Variants in PHLDB2 observed in about 807,000 individuals in gnomAD.
PHLDB2 encodes pleckstrin homology like domain family B member 2, also known as pleckstrin homology-like domain family B member 2.
Under a neutral mutation model 123.6 loss-of-function variants are expected in PHLDB2, and 71 were observed. That is an observed-to-expected ratio of 0.57 (90% CI 0.47 to 0.70). The LOEUF (loss-of-function observed/expected upper bound fraction) is 0.70, where lower values mean the gene tolerates loss of function less well. PHLDB2 is among the 30% of genes least tolerant of loss of function. The pLI is 0.00. For synonymous variants in PHLDB2, 547 were observed against 541.6 expected (o/e 1.01, Z -0.14); for missense variants, 1,446 against 1,519.5 (o/e 0.95, Z 0.80).
At chr3:111,946,029 T>TTATA (rs1188945476) in intron 9 of PHLDB2, among the ~76,000 whole-genome samples, 4 of 150,560 alleles carry the variant, frequency 2.7e-5, no homozygotes, top group African/African-American at 7.3e-5. Context: ...AAAAAATAGT[T>TTATA]TATATATATA....
In PHLDB2 at chr3:111,969,925, A is replaced by C. The variant is rs2107688185; in HGVS notation, c.3535+16A>C. 6.2e-7 allele frequency: 1 copy of C among 1,609,706 alleles called. No individual in the cohort carries two copies. The highest frequency in any genetic ancestry group is 1.1e-5 in the South Asian group (1 of 90,980). On this transcript the variant is annotated intron_variant, in intron 16 of 17. Coordinates refer to ENST00000431670, the MANE Select transcript of PHLDB2 (RefSeq NM_001134438.2). The stretch of plus-strand genomic sequence containing the variant: ...TATTATGCAGGTGGGTGATAAAAAC[A>C]ATTTAAGCCATATACTCAAATCAAG...
At chr3:111,757,276 T>C (rs2059909516) in intron 1 of PHLDB2, among the ~76,000 whole-genome samples, 1 of 152,212 alleles carries the variant, frequency 6.6e-6, no homozygotes, top group African/African-American at 2.4e-5. Flanking sequence ...CCTGTCACTT[T>C]CAGGTACACC....
chr3:111,888,463 T>C (rs937375590), intron 2 of PHLDB2, among the ~76,000 whole-genome samples: 1 of 152,162 alleles, frequency 6.6e-6, no homozygotes, highest in Admixed American at 6.5e-5. Context: ...GAGTAGTGAA[T>C]GTTTGTGGTT....
At chr3:111,901,801 C>G (rs1331005260) in intron 2 of PHLDB2, among the ~76,000 whole-genome samples, 6 of 152,140 alleles carry the variant, frequency 3.9e-5, no homozygotes, top group Admixed American at 3.9e-4. Flanking sequence ...ACTGTGCAGA[C>G]TTCCTTCTGG....
chr3:111,904,277 CAA>C (rs3082325), intron 2 of PHLDB2, among the ~76,000 whole-genome samples: 2 of 86,706 alleles, frequency 2.3e-5, no homozygotes, highest in Non-Finnish European at 4.4e-5. Flanking sequence ...GACCCTGTCT[CAA>C]AAAAAAAAAA....
intron 1 of PHLDB2, among the ~76,000 whole-genome samples, chr3:111,764,919 A>G (rs1171500891): frequency 6.6e-6 from 1 of 152,210 alleles, no homozygotes; most frequent in Non-Finnish European, 1.5e-5. Flanking sequence ...TTGCTGAGTG[A>G]GAACTTGCTA....
Position 111,750,901 on chromosome 3 carries a change from G to A in PHLDB2, c.-49+18198G>A, listed in dbSNP as rs188245301. Among the ~76,000 whole-genome samples the A allele has an allele frequency of 4.2e-4, 62 of 147,824 alleles. 1 individual carries two copies. The East Asian group carries it at 8.4e-3, about 20-fold the overall frequency. ...GTGTAGGTTGCAGTGAGCCAATATCGCACCACTGCACTCCAGCCTGGGCGA... is the reference window on the plus strand; with the variant it reads ...GTGTAGGTTGCAGTGAGCCAATATCACACCACTGCACTCCAGCCTGGGCGA... On this transcript the variant is annotated intron_variant, in intron 1 of 17. Coordinates refer to the PHLDB2 transcript ENST00000393923.
At chr3:111,795,604 T>C (rs1386128770) in intron 1 of PHLDB2, among the ~76,000 whole-genome samples, 1 of 152,188 alleles carries the variant, frequency 6.6e-6, no homozygotes, top group East Asian at 1.9e-4. Flanking sequence ...TCTTGGGAAA[T>C]CCCACTCTCT....
chr3:111,959,530 G>A (rs908934571), intron 12 of PHLDB2, among the ~76,000 whole-genome samples: 5 of 152,188 alleles, frequency 3.3e-5, no homozygotes, highest in African/African-American at 4.8e-5. Context: ...AGAATGACTG[G>A]GAGATTCAGT....
At chr3:111,733,339 A>T (rs888452675) in intron 1 of PHLDB2, among the ~76,000 whole-genome samples, 2 of 152,200 alleles carry the variant, frequency 1.3e-5, no homozygotes, top group Non-Finnish European at 2.9e-5. Context: ...CTGAATCAGG[A>T]GGACCACCAA....
chr3:111,806,789 CTT>C (rs1202494772), intron 1 of PHLDB2, among the ~76,000 whole-genome samples: 2 of 146,028 alleles, frequency 1.4e-5, no homozygotes, highest in Non-Finnish European at 1.5e-5. Flanking sequence ...CCTAGCCCTT[CTT>C]TTTTTTTTTA....
chr3:111,758,407 C>T lies in PHLDB2; in HGVS notation c.-49+25704C>T, dbSNP rs939689883. On this transcript the variant is annotated intron_variant, in intron 1 of 17. Transcript: ENST00000393923. Reference sequence around the variant, plus strand: ...CTCTGTGGGCATAGGACCCTCCGAGCCATGTGCGGGATATAATCTCCTGGT... The same window carrying T: ...CTCTGTGGGCATAGGACCCTCCGAGTCATGTGCGGGATATAATCTCCTGGT... 2.7e-4 allele frequency among the ~76,000 whole-genome samples: 41 copies of T among 152,336 alleles called. 1 individual carries two copies. Among genetic ancestry groups the T allele is most frequent in the African/African-American group, 9.9e-4 (41 of 41,572 alleles).
chr3:111,971,061 C>T (rs900116306), intron 16 of PHLDB2, among the ~76,000 whole-genome samples: 2 of 152,112 alleles, frequency 1.3e-5, no homozygotes, highest in Admixed American at 6.5e-5. Flanking sequence ...GGCCTGAAGC[C>T]GATGGCCTGC....
chr3:111,766,047 C>T (rs2060074875), intron 1 of PHLDB2, among the ~76,000 whole-genome samples: 1 of 152,162 alleles, frequency 6.6e-6, no homozygotes, highest in African/African-American at 2.4e-5. Flanking sequence ...GTCTTTCTTA[C>T]AGCTTTGTTG....
intron 1 of PHLDB2, among the ~76,000 whole-genome samples, chr3:111,761,438 C>T (rs937684707): frequency 2.6e-5 from 4 of 152,298 alleles, no homozygotes; most frequent in East Asian, 3.9e-4. Context: ...GGAACTGACA[C>T]TGTTGATGAA....
intron 1 of PHLDB2, among the ~76,000 whole-genome samples, chr3:111,759,925 A>G (rs1370428507): frequency 6.6e-6 from 1 of 152,262 alleles, no homozygotes; most frequent in Non-Finnish European, 1.5e-5. Context: ...TGCAGTTTGT[A>G]GGACAAGAGG....
At chr3:111,966,754 C>CT in intron 14 of PHLDB2, 51 bp downstream of exon 14, 7 of 1,457,956 alleles carry the variant, frequency 4.8e-6, no homozygotes, top group South Asian at 1.2e-5. Context: ...GGTGCAGGAG[C>CT]CCTGCGCTTG....
intron 2 of PHLDB2, among the ~76,000 whole-genome samples, chr3:111,904,353 C>T (rs1207802274): frequency 1.3e-5 from 2 of 148,862 alleles, no homozygotes; most frequent in African/African-American, 4.9e-5. Context: ...TATAAGATGA[C>T]AGAGAGGTAC....
At chr3:111,830,956 A>AAGGAAGGAAGGAAGGAAGGAAGGAAG (rs1174498405) in intron 1 of PHLDB2, among the ~76,000 whole-genome samples, 3 of 24,766 alleles carry the variant, frequency 1.2e-4, no homozygotes, top group Non-Finnish European at 2.4e-4. Context: ...AGAAAGAAAG[A>AAGGAAGGAAGGAAGGAAGGAAGGAAG]GAAAGAAAGA....
Sources: allele counts gnomAD v4.1 joint callset (sites outside exome capture counted in the v4.1 genomes callset), GRCh38; gene constraint gnomAD v4.1.1; transcripts MANE v1.5; gene names NCBI Gene and HGNC (gene_info 2026-07-23, HGNC 2026-07-21).